OR11A1: variants seen among roughly 807,000 people sequenced by gnomAD.
OR11A1 encodes olfactory receptor 11A1.
For missense variants in OR11A1, 380 were observed against 378.2 expected (o/e 1.00, Z -0.04); for synonymous variants, 158 against 152.2 (o/e 1.04, Z -0.28).
intron 1 of OR11A1, chr6:29,439,688 A>G: frequency 2.8e-6 from 1 of 359,322 alleles, no homozygotes; most frequent in Non-Finnish European, 5.0e-6. Flanking sequence ...AAAGGGAGCT[A>G]GACTGACTTA....
intron 1 of OR11A1, among the ~76,000 whole-genome samples, chr6:29,436,538 T>C (rs1321105403): frequency 2.2e-4 from 34 of 152,344 alleles, no homozygotes; most frequent in Non-Finnish European, 4.4e-5. Context: ...AGGTTATTTA[T>C]TGATCAGGTG....
chr6:29,445,016 C>CT (rs137990058), intron 1 of OR11A1, among the ~76,000 whole-genome samples: 210 of 151,580 alleles, frequency 1.4e-3, no homozygotes, highest in East Asian at 9.9e-3. Flanking sequence ...TTCTTTCTTT[C>CT]TTTTTTTTTG....
At chr6:29,440,431 T>A (rs1019560082) in intron 1 of OR11A1, 2 of 1,614,034 alleles carry the variant, frequency 1.2e-6, no homozygotes, top group South Asian at 2.2e-5. Flanking sequence ...AGCCACCGGG[T>A]GTGTCTACAG....
intron 1 of OR11A1, among the ~76,000 whole-genome samples, chr6:29,450,716 A>G (rs897241413): frequency 2.0e-5 from 3 of 150,190 alleles, no homozygotes; most frequent in African/African-American, 7.3e-5. Context: ...GAGACAACAC[A>G]CACAAAAAAT....
intron 4 of OR11A1, among the ~76,000 whole-genome samples, chr6:29,427,970 C>A (rs7770592): frequency 0.29 from 44,590 of 151,778 alleles, 6,597 homozygotes; most frequent in East Asian, 0.31. Flanking sequence ...CGCATAATCA[C>A]CTCTATCATT....
At chr6:29,450,948 A>G (rs1785307666) in intron 1 of OR11A1, among the ~76,000 whole-genome samples, 1 of 152,228 alleles carries the variant, frequency 6.6e-6, no homozygotes, top group Admixed American at 6.5e-5. Context: ...ACATCACATT[A>G]TCCAACTTCA....
chr6:29,440,172 GC>G (rs1783994758), intron 1 of OR11A1: 1 of 1,613,684 alleles, frequency 6.2e-7, no homozygotes, highest in Non-Finnish European at 8.5e-7. Flanking sequence ...CACTGATGCT[GC>G]CCTCCAGTCC....
At chr6:29,449,219 T>A (rs1173294650) in intron 1 of OR11A1, among the ~76,000 whole-genome samples, 1 of 152,184 alleles carries the variant, frequency 6.6e-6, no homozygotes, top group Non-Finnish European at 1.5e-5. Context: ...TATGTCAGTG[T>A]AAGTTTATCA....
Position 29,427,138 on chromosome 6 carries a change from C to T in OR11A1, c.504G>A (p.Arg168=), listed in dbSNP as rs775967928. The T allele has an allele frequency of 1.5e-5, 24 of 1,612,906 alleles. No homozygotes were observed. Among genetic ancestry groups the T allele is most frequent in the Admixed American group, 1.0e-4 (6 of 59,990 alleles). Residue 168 remains arginine (R), a synonymous_variant, in exon 5 of 5, where the codon AGG becomes AGA. Transcript: ENST00000377149. The part of the protein sequence containing the change: ...GLVVALVAQL[R]FCGPNHIDQF... ...GGTCAATGTGGTTGGGGCCACAGAA[C>T]CTCAGCTGGGCCACCAGGGCCACAA...
At chr6:29,450,877 T>C (rs535228233) in intron 1 of OR11A1, among the ~76,000 whole-genome samples, 3 of 152,336 alleles carry the variant, frequency 2.0e-5, no homozygotes, top group African/African-American at 4.8e-5. Flanking sequence ...AAAATTCATA[T>C]GTAACCAAAA....
Position 29,426,138 on chromosome 6 carries a change from C to A in OR11A1, c.*556G>T, listed in dbSNP as rs1561766837. The A allele has an allele frequency of 6.6e-6, 1 of 152,456 alleles. No homozygotes were observed. Among genetic ancestry groups the A allele is most frequent in the Non-Finnish European group, 1.5e-5 (1 of 68,006 alleles). The allele number at this position is 152,456 out of a possible 1,614,324, so 9.4% of individuals were successfully genotyped here. ...AACAATAATATAAAAAACAATATTT[C>A]TAGGTTTATTTTGGTATTGCTGTAT... On this transcript the variant is annotated 3_prime_UTR_variant, in exon 5 of 5. Transcript: ENST00000377149.
At chr6:29,446,930 G>A (rs1049751189) in intron 1 of OR11A1, among the ~76,000 whole-genome samples, 27 of 152,172 alleles carry the variant, frequency 1.8e-4, no homozygotes, top group Admixed American at 8.5e-4. Context: ...TAGGTCAAAA[G>A]GTGGTTTAGA....
chr6:29,451,249 T>C (rs1318541064), intron 1 of OR11A1, among the ~76,000 whole-genome samples: 1 of 152,144 alleles, frequency 6.6e-6, no homozygotes, highest in African/African-American at 2.4e-5. Context: ...TATAAAAACC[T>C]TGGGAGAAAA....
intron 1 of OR11A1, among the ~76,000 whole-genome samples, chr6:29,445,297 G>T (rs911603093): frequency 2.0e-5 from 3 of 152,176 alleles, no homozygotes; most frequent in Non-Finnish European, 2.9e-5. Flanking sequence ...GAGCCACTGT[G>T]CCCAGCCAGT....
rs1395397851 is a variant in OR11A1 at position 29,453,431 on chromosome 6, T to C, written c.-389+3556A>G. 6.6e-6 allele frequency among the ~76,000 whole-genome samples: 1 copy of C among 152,142 alleles called. No individual in the cohort carries two copies. Among genetic ancestry groups the C allele is most frequent in the Non-Finnish European group, 1.5e-5 (1 of 68,000 alleles). On this transcript the variant is annotated intron_variant, in intron 1 of 4. Transcript: ENST00000377149. This position sits in a 1 kb window ranked among gnomAD's most constrained non-coding sequence, Gnocchi z 4.5. ...GAATCATAGGTAACTGTGCCTGTCC[T>C]GTGAAAAGTGCTCCAGTACTACTCC...
intron 1 of OR11A1, among the ~76,000 whole-genome samples, chr6:29,445,759 C>A (rs1197206200): frequency 6.6e-6 from 1 of 152,200 alleles, no homozygotes; most frequent in African/African-American, 2.4e-5. Flanking sequence ...AGACACTGAA[C>A]AAAGGCTGTG....
Position 29,427,465 on chromosome 6 carries a change from T to A in OR11A1, c.177A>T (p.Lys59Asn). Residue 59 changes from lysine (K) to asparagine (N), a missense_variant, in exon 5 of 5, where the codon AAA becomes AAT. By Grantham distance (94) the Lys-to-Asn change is moderately conservative. Transcript: ENST00000377149. ...VAVVSSQRLHKPMYIFLANLS... is the reference protein window; with the variant it reads ...VAVVSSQRLHNPMYIFLANLS... ...GATTCGCCAAGAAAATATACATGGG[T>A]TTGTGGAGCCTCTGGGAGCTAACCA... 1.9e-6 allele frequency: 3 copies of A among 1,613,038 alleles called. No individual in the cohort carries two copies.
At chr6:29,444,872 G>A (rs1225898004) in intron 1 of OR11A1, among the ~76,000 whole-genome samples, 1 of 152,068 alleles carries the variant, frequency 6.6e-6, no homozygotes, top group Non-Finnish European at 1.5e-5. Context: ...AAATCCCACT[G>A]CTCTGTCCCT....
chr6:29,440,135 C>A (rs1197544121), intron 1 of OR11A1: 3 of 1,613,478 alleles, frequency 1.9e-6, no homozygotes, highest in Non-Finnish European at 2.5e-6. Flanking sequence ...CCGTGGCAGG[C>A]AATTTCCTCA....
Sources: allele counts gnomAD v4.1 joint callset (sites outside exome capture counted in the v4.1 genomes callset), GRCh38; gene constraint gnomAD v4.1.1; non-coding constraint Gnocchi (gnomAD v3.1); transcripts MANE v1.5; gene names NCBI Gene and HGNC (gene_info 2026-07-23, HGNC 2026-07-21).